The following SLC25A21 variants were observed in gnomAD, a reference collection of about 807,000 sequenced individuals.
The protein encoded by SLC25A21 is mitochondrial 2-oxodicarboxylate carrier.
SLC25A21 carries 47 observed loss-of-function variants against 43.8 expected under a neutral mutation model. The ratio of observed to expected loss-of-function variants is 1.07; its 90% CI spans 0.85 to 1.37. The LOEUF is 1.37. Among genes scored for constraint, SLC25A21 ranks in the 40% most tolerant of loss-of-function variants. The probability of loss-of-function intolerance (pLI) is 0.00; values close to 1 mark genes in which losing one functional copy is unlikely to be tolerated. For synonymous variants in SLC25A21, 131 were observed against 121.3 expected (o/e 1.08, Z -0.52); for missense variants, 352 against 350.2 (o/e 1.00, Z -0.04).
intron 3 of SLC25A21, among the ~76,000 whole-genome samples, chr14:36,789,559 C>T (rs1163797837): frequency 2.0e-5 from 3 of 150,570 alleles, no homozygotes; most frequent in Non-Finnish European, 4.4e-5. Flanking sequence ...TATCTTTTAG[C>T]ACAAACATGT....
chr14:37,048,910 A>G (rs887426470), intron 1 of SLC25A21, among the ~76,000 whole-genome samples: 26 of 152,114 alleles, frequency 1.7e-4, no homozygotes, highest in African/African-American at 6.3e-4. Context: ...AACTTCAAAT[A>G]ATGTGTCATG....
intron 1 of SLC25A21, among the ~76,000 whole-genome samples, chr14:37,029,813 G>T (rs1961171514): frequency 6.9e-6 from 1 of 145,018 alleles, no homozygotes; most frequent in Non-Finnish European, 1.5e-5. Context: ...CACCCAGGCT[G>T]GAGTGCAATG....
At chr14:37,141,810 A>G (rs549701422) in intron 1 of SLC25A21, among the ~76,000 whole-genome samples, 7 of 152,324 alleles carry the variant, frequency 4.6e-5, no homozygotes, top group South Asian at 2.1e-4. Context: ...CACTGTAATC[A>G]GCTATTTCTA....
At chr14:36,837,036 T>C (rs1391209825) in intron 2 of SLC25A21, among the ~76,000 whole-genome samples, 1 of 151,874 alleles carries the variant, frequency 6.6e-6, no homozygotes, top group Non-Finnish European at 1.5e-5. Context: ...GAGCCAGAGT[T>C]GAGGAATTTT....
At chr14:37,171,152 A>T in intron 1 of SLC25A21, among the ~76,000 whole-genome samples, 1 of 114,360 alleles carries the variant, frequency 8.7e-6, no homozygotes, top group Non-Finnish European at 1.8e-5. Flanking sequence ...TGGGGAGGGG[A>T]GGGGAAAGAT....
intron 1 of SLC25A21, among the ~76,000 whole-genome samples, chr14:36,879,799 C>A (rs1222631610): frequency 2.0e-5 from 3 of 149,080 alleles, no homozygotes; most frequent in African/African-American, 7.4e-5. Flanking sequence ...TCTGAAATAA[C>A]CTGCACCACA....
At chr14:36,876,583 T>C (rs1366115232) in intron 1 of SLC25A21, among the ~76,000 whole-genome samples, 1 of 124,426 alleles carries the variant, frequency 8.0e-6, no homozygotes, top group Non-Finnish European at 1.9e-5. Flanking sequence ...TGAGCAGAAA[T>C]CTTCCTTGCT....
At chr14:37,026,220 A>G (rs1351176403) in intron 1 of SLC25A21, among the ~76,000 whole-genome samples, 1 of 152,158 alleles carries the variant, frequency 6.6e-6, no homozygotes, top group Non-Finnish European at 1.5e-5. Flanking sequence ...TTTTCTACAT[A>G]TCATTAGTTT....
intron 1 of SLC25A21, among the ~76,000 whole-genome samples, chr14:37,107,567 C>T (rs1365647740): frequency 2.0e-5 from 3 of 151,952 alleles, no homozygotes; most frequent in African/African-American, 7.3e-5. Context: ...ATTTTATTTA[C>T]CAGGTATATA....
intron 1 of SLC25A21, among the ~76,000 whole-genome samples, chr14:36,955,724 A>G (rs1168389325): frequency 7.6e-6 from 1 of 131,034 alleles, no homozygotes; most frequent in African/African-American, 2.7e-5. Flanking sequence ...CATAGGCCTA[A>G]GGTTGTTTTT....
At chr14:37,160,300 C>T (rs186024523) in intron 1 of SLC25A21, among the ~76,000 whole-genome samples, 188 of 152,264 alleles carry the variant, frequency 1.2e-3, no homozygotes, top group African/African-American at 4.5e-3. Flanking sequence ...CTATAGCAAA[C>T]ACATGGAATC....
intron 3 of SLC25A21, among the ~76,000 whole-genome samples, chr14:36,775,167 C>A (rs8004848): frequency 0.38 from 57,367 of 151,972 alleles, 11,421 homozygotes; most frequent in East Asian, 0.69. Context: ...TTGAGTAGAA[C>A]TTAGTCCCAT....
rs1555348857 is a variant in SLC25A21 at position 37,128,538 on chromosome 14, C to CTATGTG, written c.70+43742_70+43743insCACATA. Among the ~76,000 whole-genome samples the CTATGTG allele has an allele frequency of 6.5e-5, 8 of 122,796 alleles. No individual in the cohort carries two copies. The East Asian group carries it at 2.1e-3, about 32-fold the overall frequency. The allele number at this position is 122,796 out of a possible 152,430, so 80.6% of individuals were successfully genotyped here. ...ACTTTCTGTCTCTCTCTCTCTCTCTCTGTGTGTGTGTGTGTGTGTGTGTGT... is the reference window on the plus strand; with the variant it reads ...ACTTTCTGTCTCTCTCTCTCTCTCTCTATGTGTGTGTGTGTGTGTGTGTGTGTGTGT... On this transcript the variant is annotated intron_variant, in intron 1 of 9. Transcript: ENST00000331299.
At chr14:36,814,511 G>C (rs897804468) in intron 2 of SLC25A21, among the ~76,000 whole-genome samples, 1 of 151,918 alleles carries the variant, frequency 6.6e-6, no homozygotes, top group Admixed American at 6.5e-5. Context: ...GTGGGCAAAG[G>C]ATACGAACAG....
chr14:37,006,993 C>CT (rs1377188263), intron 1 of SLC25A21, among the ~76,000 whole-genome samples: 1 of 152,160 alleles, frequency 6.6e-6, no homozygotes, highest in Non-Finnish European at 1.5e-5. Context: ...ATTTTTAACA[C>CT]TTTTTTCTAC....
rs182369485 is a variant in SLC25A21, at chr14:36,756,882, T to C, written c.204-22309A>G. Among the ~76,000 whole-genome samples the C allele has an allele frequency of 9.2e-5, 14 of 152,314 alleles. No homozygotes were observed. In the East Asian group the frequency reaches 2.3e-3, roughly 25 times the overall value. ...TTTTGCTCACATTCTGAGAACACTA[T>C]TTCCCAAACATTCTCTGCTGTAGAA... On this transcript the variant is annotated intron_variant, in intron 3 of 9. Transcript: ENST00000331299.
intron 1 of SLC25A21, among the ~76,000 whole-genome samples, chr14:36,910,383 T>C (rs1891654478): frequency 6.6e-6 from 1 of 152,084 alleles, no homozygotes; most frequent in African/African-American, 2.4e-5. Context: ...GTTAAAGCGA[T>C]GGGAGATGAG....
At chr14:36,810,290 C>T (rs1888193047) in intron 3 of SLC25A21, among the ~76,000 whole-genome samples, 1 of 152,104 alleles carries the variant, frequency 6.6e-6, no homozygotes, top group African/African-American at 2.4e-5. Context: ...GATATCAAAG[C>T]AGAAGCAGAA....
chr14:36,954,614 T>C (rs1221337862), intron 1 of SLC25A21, among the ~76,000 whole-genome samples: 1 of 152,142 alleles, frequency 6.6e-6, no homozygotes, highest in East Asian at 1.9e-4. Flanking sequence ...TTGTTCAGCA[T>C]GGTAACTATA....
Sources: allele counts gnomAD v4.1 joint callset (sites outside exome capture counted in the v4.1 genomes callset), GRCh38; gene constraint gnomAD v4.1.1; transcripts MANE v1.5; gene names NCBI Gene and HGNC (gene_info 2026-07-23, HGNC 2026-07-21).